AP1G1: variants seen among roughly 807,000 people sequenced by gnomAD.
AP1G1 encodes adaptor related protein complex 1 subunit gamma 1.
A neutral mutation model predicts 108.3 loss-of-function variants in AP1G1; 7 were observed. That is an observed-to-expected ratio of 0.06 (90% CI 0.04 to 0.12). AP1G1 has a LOEUF of 0.12. Ranked by LOEUF, AP1G1 falls within the 10% of genes least tolerant of loss-of-function variation. AP1G1 has a pLI of 1.00. For synonymous variants in AP1G1, 379 were observed against 353.5 expected (o/e 1.07, Z -0.81); for missense variants, 756 against 1,010.7 (o/e 0.75, Z 3.42).
At chr16:71,808,659 TG>T in intron 1 of AP1G1, 103 bp downstream of exon 1, 3 of 1,289,446 alleles carry the variant, frequency 2.3e-6, no homozygotes, top group Non-Finnish European at 3.0e-6. Flanking sequence ...ACCCACAGCC[TG>T]GGACTGGACC....
intron 1 of AP1G1, among the ~76,000 whole-genome samples, chr16:71,798,967 G>C (rs376918158): frequency 6.6e-6 from 1 of 151,376 alleles, no homozygotes; most frequent in African/African-American, 2.4e-5. Flanking sequence ...TTCCATAAGC[G>C]CTCCTACAGG....
chr16:71,799,941 C>T (rs919118265), intron 1 of AP1G1, among the ~76,000 whole-genome samples: 1 of 151,210 alleles, frequency 6.6e-6, no homozygotes, highest in African/African-American at 2.4e-5. Flanking sequence ...ATTATATTGG[C>T]TGGGTGCGGT....
chr16:71,748,508 G>T, intron 15 of AP1G1, 130 bp from the exon 16 acceptor site: 1 of 1,102,638 alleles, frequency 9.1e-7, no homozygotes. Context: ...AACTCAACCT[G>T]TGCTTTGCCA....
intron 4 of AP1G1, chr16:71,772,867 C>A: frequency 3.0e-6 from 1 of 328,298 alleles, no homozygotes; most frequent in Non-Finnish European, 5.9e-6. Context: ...CCCAATAGAA[C>A]TGCCCTTCCA....
At chr16:71,788,315 AAATTT>A (rs1251061033) in intron 2 of AP1G1, among the ~76,000 whole-genome samples, 5 of 152,180 alleles carry the variant, frequency 3.3e-5, no homozygotes, top group South Asian at 2.1e-4. Context: ...TATTAAAATA[AAATTT>A]AATAGCACTA....
Position 71,773,799 on chromosome 16 carries a change from C to T in AP1G1, c.327-437G>A, listed in dbSNP as rs569797388. On this transcript the variant is annotated intron_variant, in intron 3 of 22. Transcript: ENST00000299980. ...CTCCACTAAAACTGTAAAAATTGGCCGAGCGTGGTGGCGGGCGCCTATAAT... is the reference window on the plus strand; with the variant it reads ...CTCCACTAAAACTGTAAAAATTGGCTGAGCGTGGTGGCGGGCGCCTATAAT... 6.6e-5 allele frequency among the ~76,000 whole-genome samples: 10 copies of T among 150,916 alleles called. No individual in the cohort carries two copies. In the East Asian group the frequency reaches 8.2e-4, roughly 12 times the overall value.
intron 21 of AP1G1, among the ~76,000 whole-genome samples, chr16:71,737,062 A>G (rs575636921): frequency 9.2e-5 from 14 of 152,260 alleles, no homozygotes; most frequent in African/African-American, 3.4e-4. Flanking sequence ...CACTGAACAG[A>G]TGAAAAGTGC....
chr16:71,736,111 AAAAAAAAT>A (rs1433371257), intron 21 of AP1G1, among the ~76,000 whole-genome samples: 18 of 77,288 alleles, frequency 2.3e-4, no homozygotes, highest in Non-Finnish European at 3.2e-4. Flanking sequence ...AAAAAAAAAA[AAAAAAAAT>A]ATATATATAT....
intron 2 of AP1G1, chr16:71,777,714 C>G: frequency 2.2e-6 from 1 of 449,516 alleles, no homozygotes; most frequent in East Asian, 7.7e-5. Flanking sequence ...TCTTCGGGCC[C>G]GTTCTCCTCC....
chr16:71,776,781 G>T (rs558452466), intron 2 of AP1G1, among the ~76,000 whole-genome samples: 19 of 151,368 alleles, frequency 1.3e-4, no homozygotes, highest in African/African-American at 4.6e-4. Flanking sequence ...TTTTGTTTTG[G>T]TTTTTTTTGC....
At chr16:71,769,787 C>G in intron 5 of AP1G1, 88 bp from the exon 6 acceptor site, 1 of 1,104,910 alleles carries the variant, frequency 9.1e-7, no homozygotes, top group Non-Finnish European at 1.4e-6. Flanking sequence ...AGGTCAATTC[C>G]AAAAGGATAG....
At chr16:71,760,410 T>G (rs2031025876) in intron 10 of AP1G1, among the ~76,000 whole-genome samples, 1 of 151,860 alleles carries the variant, frequency 6.6e-6, no homozygotes, top group African/African-American at 2.4e-5. Flanking sequence ...CTGGGCGTGG[T>G]GGCGTTCGCC....
chr16:71,808,075 C>T lies in AP1G1; in HGVS notation c.-4+688G>A, dbSNP rs1458091745. The T allele has an allele frequency of 4.2e-6, 5 of 1,178,906 alleles. No homozygotes were observed. The South Asian group carries it at 8.2e-5, about 19-fold the overall frequency. 73.0% of individuals were successfully genotyped at this position (1,178,906 alleles called of 1,614,324 possible). A position where few individuals can be genotyped will look rare whatever the true frequency, so the allele number is the denominator to read the frequency against. On this transcript the variant is annotated intron_variant, in intron 1 of 22. Transcript: ENST00000299980. The stretch of plus-strand genomic sequence containing the variant: ...GTCCTAACCGGGAAACACAATCAAC[C>T]GAACCGTCCCGACTCTTTCAGGCAA...
rs985370817 is a variant in AP1G1 at position 71,808,726 on chromosome 16, G to A, written c.-4+37C>T. ...CGCCCGCGGCAGCGGCGGGGCAAAA[G>A]CAGCAATATGCTCTCAGCGCCGGGA... On this transcript the variant is annotated intron_variant, in intron 1 of 22. Coordinates refer to ENST00000299980, the MANE Select transcript of AP1G1 (RefSeq NM_001128.6). 12 of 1,286,398 alleles carry A rather than the reference G, an allele frequency of 9.3e-6. No homozygotes were observed. In the East Asian group the frequency reaches 3.3e-4, roughly 36 times the overall value. The allele number at this position is 1,286,398 out of a possible 1,614,324, so 79.7% of individuals were successfully genotyped here.
chr16:71,745,056 T>G, intron 19 of AP1G1, 88 bp downstream of exon 19: 1 of 1,453,852 alleles, frequency 6.9e-7, no homozygotes. Flanking sequence ...TTCAAATGAT[T>G]CACGTGCTGG....
intron 1 of AP1G1, among the ~76,000 whole-genome samples, chr16:71,801,284 A>AC (rs1365158554): frequency 1.3e-5 from 2 of 151,842 alleles, no homozygotes; most frequent in Non-Finnish European, 2.9e-5. Flanking sequence ...CATCTCAAAA[A>AC]AAACAAACAA....
Position 71,732,791 on chromosome 16 carries a change from T to C in AP1G1, c.*267A>G, listed in dbSNP as rs990414569. On this transcript the variant is annotated 3_prime_UTR_variant, in exon 23 of 23. Coordinates refer to ENST00000299980, the MANE Select transcript of AP1G1 (RefSeq NM_001128.6). ...GGAATGTTGATTCTGGCTGTAAATG[T>C]GGGAGGGGTGGAGAAGTGCGGAAAA... 1.6e-4 allele frequency: 53 copies of C among 335,696 alleles called. No homozygotes were observed. Among genetic ancestry groups the C allele is most frequent in the African/African-American group, 9.7e-4 (46 of 47,306 alleles). The allele number at this position is 335,696 out of a possible 1,614,324, so 20.8% of individuals were successfully genotyped here. A position where few individuals can be genotyped will look rare whatever the true frequency, so the allele number is the denominator to read the frequency against.
intron 1 of AP1G1, among the ~76,000 whole-genome samples, chr16:71,795,157 TG>T (rs2032542291): frequency 6.6e-6 from 1 of 152,102 alleles, no homozygotes; most frequent in East Asian, 1.9e-4. Context: ...GAACTCACAC[TG>T]CCCACTGTGC....
At chr16:71,796,916 T>A (rs758592917) in intron 1 of AP1G1, among the ~76,000 whole-genome samples, 2 of 151,826 alleles carry the variant, frequency 1.3e-5, no homozygotes, top group African/African-American at 4.8e-5. Context: ...AGGCCTGTAA[T>A]CCCAGCACTC....
Sources: gnomAD v4.1 joint callset for allele counts (sites outside exome capture counted in the v4.1 genomes callset) on GRCh38, gnomAD v4.1.1 for gene constraint, MANE v1.5 for transcripts, NCBI Gene and HGNC (gene_info 2026-07-23, HGNC 2026-07-21) for gene names.